FAM167A: variants seen among roughly 807,000 people sequenced by gnomAD.
The protein encoded by FAM167A is family with sequence similarity 167 member A, also known as protein FAM167A.
In FAM167A, 23 loss-of-function variants were observed where a neutral mutation model predicts 14.9. That is an observed-to-expected ratio of 1.55 (90% CI 1.11 to 2.19). The LOEUF is 2.19. FAM167A is among the 30% of genes most tolerant of loss of function. FAM167A has a pLI of 0.00. For synonymous variants in FAM167A, 174 were observed against 117.7 expected, an observed-to-expected ratio of 1.48 and a Z score of -3.10; for missense variants, 401 against 281.5, an observed-to-expected ratio of 1.42 and a Z score of -3.04.
intron 2 of FAM167A, among the ~76,000 whole-genome samples, chr8:11,430,974 C>G (rs932694215): frequency 6.6e-6 from 1 of 152,146 alleles, no homozygotes; most frequent in Non-Finnish European, 1.5e-5. Flanking sequence ...AAAACAAAAG[C>G]CTTAAGAAAG....
chr8:11,436,183 C>A (rs912440236), intron 2 of FAM167A, among the ~76,000 whole-genome samples: 1 of 152,200 alleles, frequency 6.6e-6, no homozygotes, highest in South Asian at 2.1e-4. Flanking sequence ...GTGTTGCCAA[C>A]GTCAAAGGGC....
At chr8:11,465,443 T>A (rs994953896) in intron 1 of FAM167A, among the ~76,000 whole-genome samples, 2 of 152,156 alleles carry the variant, frequency 1.3e-5, no homozygotes, top group African/African-American at 4.8e-5. Flanking sequence ...TGAAGACTGA[T>A]GGGGAGGATG....
intron 1 of FAM167A, among the ~76,000 whole-genome samples, chr8:11,451,197 C>G (rs1009044432): frequency 1.1e-4 from 17 of 152,228 alleles, no homozygotes; most frequent in Admixed American, 7.8e-4. Flanking sequence ...TGGCCGGGGC[C>G]GCTGGGGCCA....
chr8:11,449,007 G>A (rs2409772), intron 1 of FAM167A, among the ~76,000 whole-genome samples: 77,224 of 152,178 alleles, frequency 0.51, 20,284 homozygotes, highest in East Asian at 0.66. Context: ...GGCCTGAGTT[G>A]GGGAGTCACT....
In FAM167A at chr8:11,444,692, G is replaced by A; in HGVS notation, c.-281C>T. 1.6e-6 allele frequency: 2 copies of A among 1,216,966 alleles called. No homozygotes were observed. Among genetic ancestry groups the A allele is most frequent in the Non-Finnish European group, 1.0e-6 (1 of 975,064 alleles). The allele number at this position is 1,216,966 out of a possible 1,614,324, so 75.4% of individuals were successfully genotyped here. A position where few individuals can be genotyped will look rare whatever the true frequency, so the allele number is the denominator to read the frequency against. On this transcript the variant is annotated 5_prime_UTR_variant, in exon 2 of 3. Coordinates refer to ENST00000284486, the MANE Select transcript of FAM167A (RefSeq NM_053279.3). ...GAAGGCAGGAACAGACAGCGTCGCA[G>A]GAATCTCGGGGCAGCCTGTGCCAAG...
intron 1 of FAM167A, among the ~76,000 whole-genome samples, chr8:11,463,216 A>G (rs1807605577): frequency 6.6e-6 from 1 of 152,248 alleles, no homozygotes; most frequent in South Asian, 2.1e-4. Context: ...CAAATAAACA[A>G]AATAGCAGCA....
chr8:11,430,132 C>T (rs1270973097), intron 2 of FAM167A, among the ~76,000 whole-genome samples: 2 of 152,186 alleles, frequency 1.3e-5, no homozygotes, highest in African/African-American at 4.8e-5. Context: ...TGCCAATTTC[C>T]AGTCCCCGCT....
chr8:11,473,021 G>A (rs1009716522), intron 1 of FAM167A, among the ~76,000 whole-genome samples: 6 of 152,192 alleles, frequency 3.9e-5, no homozygotes, highest in Non-Finnish European at 8.8e-5. Flanking sequence ...GGAACAAGGC[G>A]GCACCCCCAT....
intron 2 of FAM167A, among the ~76,000 whole-genome samples, chr8:11,425,905 C>T (rs559421386): frequency 1.4e-3 from 206 of 152,288 alleles, no homozygotes; most frequent in African/African-American, 4.6e-3. Context: ...GAGATACTTA[C>T]ATCTGTAGAG....
At chr8:11,471,565 C>T (rs1807961150), upstream of FAM167A, among the ~76,000 whole-genome samples, 1 of 152,166 alleles carries the variant, frequency 6.6e-6, no homozygotes, top group Admixed American at 6.5e-5. Flanking sequence ...TTAGTATGTA[C>T]CATGGGCGGT....
chr8:11,432,499 A>T (rs1271484857), intron 2 of FAM167A, among the ~76,000 whole-genome samples: 1 of 152,262 alleles, frequency 6.6e-6, no homozygotes, highest in Non-Finnish European at 1.5e-5. Context: ...AGAGAAATGC[A>T]AATCAAAATC....
Position 11,445,133 on chromosome 8 carries a change from G to T in FAM167A, c.-397-325C>A, listed in dbSNP as rs114107014. 3,085 of 985,082 alleles carry T rather than the reference G, an allele frequency of 3.1e-3. 74 individuals are homozygous for T. In the African/African-American group the frequency reaches 0.049, roughly 16 times the overall value. 61.0% of individuals were successfully genotyped at this position (985,082 alleles called of 1,614,324 possible). A position where few individuals can be genotyped will look rare whatever the true frequency, so the allele number is the denominator to read the frequency against. On this transcript the variant is annotated intron_variant, in intron 1 of 2. Transcript: ENST00000284486. ...CACGAGGAACCCACATATCCTAGAA[G>T]TTAAATGACTCACCGAGATCTCCCA...
chr8:11,430,157 G>T (rs1183223715), intron 2 of FAM167A, among the ~76,000 whole-genome samples: 1 of 152,192 alleles, frequency 6.6e-6, no homozygotes, highest in Non-Finnish European at 1.5e-5. Context: ...GCGTGGCCTG[G>T]TGTCTCTCTG....
chr8:11,449,982 C>T (rs755894513), intron 1 of FAM167A, among the ~76,000 whole-genome samples: 4 of 152,248 alleles, frequency 2.6e-5, no homozygotes, highest in Non-Finnish European at 5.9e-5. Context: ...GACCCATCCC[C>T]TCCACACCTC....
chr8:11,443,713 G>C (rs1355659957), intron 2 of FAM167A: 1 of 276,794 alleles, frequency 3.6e-6, no homozygotes, highest in Admixed American at 4.9e-5. Context: ...CACACCCCAG[G>C]AGCCAGACTC....
intron 1 of FAM167A, among the ~76,000 whole-genome samples, chr8:11,463,955 T>A (rs1807646116): frequency 1.3e-5 from 2 of 152,300 alleles, no homozygotes; most frequent in South Asian, 4.1e-4. Flanking sequence ...TAAGGCCACG[T>A]GGCAGGGCCC....
intron 2 of FAM167A, among the ~76,000 whole-genome samples, chr8:11,425,633 C>A (rs1805081300): frequency 6.6e-6 from 1 of 151,758 alleles, no homozygotes; most frequent in Non-Finnish European, 1.5e-5. Context: ...AATTCCCAGC[C>A]GTGATGGGAA....
upstream of FAM167A, among the ~76,000 whole-genome samples, chr8:11,469,479 G>C (rs6980990): frequency 3.4e-4 from 36 of 105,580 alleles, no homozygotes; most frequent in Non-Finnish European, 8.1e-4. Flanking sequence ...TCTTCCCTTT[G>C]ATTCCTTACA....
intron 1 of FAM167A, 37 bp downstream of exon 1, chr8:11,466,589 G>A (rs186183983): frequency 1.3e-5 from 2 of 152,636 alleles, no homozygotes; most frequent in East Asian, 1.9e-4. Context: ...ACACCTCCCA[G>A]TCCCTGGGAA....
Sources: allele counts gnomAD v4.1 joint callset (sites outside exome capture counted in the v4.1 genomes callset), GRCh38; gene constraint gnomAD v4.1.1; transcripts MANE v1.5; gene names NCBI Gene and HGNC (gene_info 2026-07-23, HGNC 2026-07-21).